Variants in NLGN1 observed in about 807,000 individuals in gnomAD.
The protein encoded by NLGN1 is neuroligin-1.
In NLGN1, 12 loss-of-function variants were observed where a neutral mutation model predicts 65.5. The ratio of observed to expected loss-of-function variants is 0.18; its 90% CI spans 0.12 to 0.30. The LOEUF (loss-of-function observed/expected upper bound fraction) is 0.30, where lower values mean the gene tolerates loss of function less well. Ranked by LOEUF, NLGN1 falls within the 10% of genes least tolerant of loss-of-function variation. The pLI, the probability that NLGN1 is intolerant of heterozygous loss-of-function variation, is 1.00. For missense variants in NLGN1, 750 were observed against 1,007.1 expected, an observed-to-expected ratio of 0.74 and a Z score of 3.46; for synonymous variants, 350 against 359.5, an observed-to-expected ratio of 0.97 and a Z score of 0.30.
chr3:173,977,107 GCA>G (rs921505579), intron 4 of NLGN1, among the ~76,000 whole-genome samples: 27 of 120,326 alleles, frequency 2.2e-4, no homozygotes, highest in East Asian at 1.3e-3. Flanking sequence ...ACACACACAC[GCA>G]CACACACACA....
intron 4 of NLGN1, among the ~76,000 whole-genome samples, chr3:173,952,119 C>G (rs1427487722): frequency 6.6e-6 from 1 of 152,172 alleles, no homozygotes; most frequent in Non-Finnish European, 1.5e-5. Flanking sequence ...TTGTTCCATT[C>G]ATCAGTCTAT....
intron 2 of NLGN1, among the ~76,000 whole-genome samples, chr3:173,509,411 G>A (rs374953233): frequency 3.3e-5 from 5 of 150,956 alleles, no homozygotes; most frequent in African/African-American, 4.9e-5. Flanking sequence ...TATTTAGTTC[G>A]TGACCTGCCT....
chr3:173,699,444 T>A (rs1318033416), intron 3 of NLGN1, among the ~76,000 whole-genome samples: 1 of 152,196 alleles, frequency 6.6e-6, no homozygotes, highest in East Asian at 1.9e-4. Context: ...ATATTCTTAT[T>A]CAAATGTGTC....
chr3:174,038,866 A>C (rs763535598), intron 4 of NLGN1, among the ~76,000 whole-genome samples: 1 of 152,178 alleles, frequency 6.6e-6, no homozygotes, highest in Non-Finnish European at 1.5e-5. Context: ...GGGAAGCTTG[A>C]AGAACTAAGA....
At chr3:173,570,134 G>A (rs546776132) in intron 2 of NLGN1, among the ~76,000 whole-genome samples, 20 of 152,202 alleles carry the variant, frequency 1.3e-4, no homozygotes, top group Non-Finnish European at 2.4e-4. Context: ...GAGGGGTGAG[G>A]TAGGATAGAT....
At chr3:173,770,630 A>G (rs1390074496) in intron 3 of NLGN1, among the ~76,000 whole-genome samples, 2 of 152,138 alleles carry the variant, frequency 1.3e-5, no homozygotes, top group Non-Finnish European at 2.9e-5. Context: ...TAAAAAGAAT[A>G]GATTTTGGAG....
At chr3:173,542,917 G>A (rs1739137702) in intron 2 of NLGN1, among the ~76,000 whole-genome samples, 1 of 152,088 alleles carries the variant, frequency 6.6e-6, no homozygotes, top group Non-Finnish European at 1.5e-5. Context: ...TGTGACTGAT[G>A]TCTAGAGTTC....
chr3:173,937,564 G>T (rs1294263164), intron 4 of NLGN1, among the ~76,000 whole-genome samples: 1 of 152,010 alleles, frequency 6.6e-6, no homozygotes, highest in Non-Finnish European at 1.5e-5. Flanking sequence ...AAAATTAATT[G>T]CAATGGAAAA....
At chr3:174,266,423 G>A (rs980304530) in intron 4 of NLGN1, among the ~76,000 whole-genome samples, 1 of 152,128 alleles carries the variant, frequency 6.6e-6, no homozygotes, top group African/African-American at 2.4e-5. Flanking sequence ...TTTCCACAGT[G>A]CATATGTACG....
chr3:173,971,733 T>G (rs138529902), intron 4 of NLGN1, among the ~76,000 whole-genome samples: 63 of 152,230 alleles, frequency 4.1e-4, no homozygotes, highest in African/African-American at 1.5e-3. Context: ...CATGAAGGAC[T>G]GGTTCCTAAC....
At chr3:174,000,834 A>G (rs1723140864) in intron 4 of NLGN1, among the ~76,000 whole-genome samples, 2 of 152,202 alleles carry the variant, frequency 1.3e-5, no homozygotes, top group South Asian at 4.1e-4. Context: ...ACATGTCCAT[A>G]TCCAGACATG....
At chr3:173,593,426 C>G (rs1748885233) in intron 2 of NLGN1, among the ~76,000 whole-genome samples, 1 of 151,932 alleles carries the variant, frequency 6.6e-6, no homozygotes, top group Non-Finnish European at 1.5e-5. Context: ...ACTATTTTGC[C>G]AAATATAGGA....
intron 2 of NLGN1, among the ~76,000 whole-genome samples, chr3:173,578,464 A>T (rs748228031): frequency 7.2e-5 from 11 of 152,162 alleles, no homozygotes; most frequent in Non-Finnish European, 1.3e-4. Context: ...TGAGATGTCA[A>T]TACCACTGGG....
intron 4 of NLGN1, among the ~76,000 whole-genome samples, chr3:174,105,701 C>T (rs1031346975): frequency 6.6e-6 from 1 of 151,818 alleles, no homozygotes; most frequent in African/African-American, 2.4e-5. Flanking sequence ...ATATAGATAT[C>T]TATATCTATA....
chr3:173,500,018 C>G (rs1730772898), intron 2 of NLGN1, among the ~76,000 whole-genome samples: 1 of 152,256 alleles, frequency 6.6e-6, no homozygotes, highest in East Asian at 1.9e-4. Flanking sequence ...TTGACTTCCT[C>G]TTTTCCTAAT....
rs531318919 is a variant in NLGN1, at chr3:174,033,136, T to C, written c.646+225304T>C. 2.6e-5 allele frequency among the ~76,000 whole-genome samples: 4 copies of C among 152,016 alleles called. No individual in the cohort carries two copies. In the Admixed American group the frequency reaches 2.6e-4, roughly 10 times the overall value. On this transcript the variant is annotated intron_variant, in intron 4 of 6. Transcript: ENST00000457714. Reference sequence around the variant, plus strand: ...AAAATACTTCTTCTCCCCCACACTGTACCACCGCGCCACGGGGCCCTAATA... The same window carrying C: ...AAAATACTTCTTCTCCCCCACACTGCACCACCGCGCCACGGGGCCCTAATA...
chr3:173,678,367 G>A (rs1360016046), intron 3 of NLGN1, among the ~76,000 whole-genome samples: 1 of 152,040 alleles, frequency 6.6e-6, no homozygotes, highest in African/African-American at 2.4e-5. Flanking sequence ...CCGCAGTAGA[G>A]GGAAGAGAAA....
intron 4 of NLGN1, among the ~76,000 whole-genome samples, chr3:174,008,280 A>C (rs1724849183): frequency 6.6e-6 from 1 of 152,024 alleles, no homozygotes; most frequent in African/African-American, 2.4e-5. Flanking sequence ...TACTGCTCAC[A>C]TCCCACTAGC....
chr3:173,522,504 C>G (rs914135234), intron 2 of NLGN1, among the ~76,000 whole-genome samples: 29 of 152,136 alleles, frequency 1.9e-4, no homozygotes, highest in African/African-American at 7.0e-4. Context: ...GATCTTGGCT[C>G]ACTGCAAGCT....
Sources: allele counts gnomAD v4.1 joint callset (sites outside exome capture counted in the v4.1 genomes callset), GRCh38; gene constraint gnomAD v4.1.1; transcripts MANE v1.5; gene names NCBI Gene and HGNC (gene_info 2026-07-23, HGNC 2026-07-21).